SDC2: variants seen among roughly 807,000 people sequenced by gnomAD.
The protein encoded by SDC2 is syndecan 2.
Under a neutral mutation model 22.2 loss-of-function variants are expected in SDC2, and 13 were observed. The ratio of observed to expected loss-of-function variants is 0.59; its 90% CI spans 0.38 to 0.93. The LOEUF (loss-of-function observed/expected upper bound fraction) is 0.93, where lower values mean the gene tolerates loss of function less well. Among genes scored for constraint, SDC2 ranks in the 40% least tolerant of loss-of-function variants. The pLI is 0.00. For missense variants in SDC2, 235 were observed against 246.8 expected, an observed-to-expected ratio of 0.95 and a Z score of 0.32; for synonymous variants, 94 against 92.8, an observed-to-expected ratio of 1.01 and a Z score of -0.07.
chr8:96,602,631 G>T, intron 3 of SDC2, 103 bp downstream of exon 3: 1 of 1,307,860 alleles, frequency 7.6e-7, no homozygotes, highest in Admixed American at 2.1e-5. Context: ...CTTCTTTTTG[G>T]AGCTACCCAT....
chr8:96,526,868 G>A (rs1163465487), intron 1 of SDC2, among the ~76,000 whole-genome samples: 2 of 152,114 alleles, frequency 1.3e-5, no homozygotes, highest in Non-Finnish European at 2.9e-5. Flanking sequence ...GGGGAGGCTC[G>A]GACCTGCAGG....
intron 1 of SDC2, among the ~76,000 whole-genome samples, chr8:96,570,401 A>G (rs1814373678): frequency 6.6e-6 from 1 of 152,216 alleles, no homozygotes; most frequent in African/African-American, 2.4e-5. Context: ...ATTGTATCAC[A>G]CTTAATATGT....
In SDC2 at chr8:96,570,197, C is replaced by A. The variant is rs552281231; in HGVS notation, c.61-23283C>A. 1.1e-4 allele frequency among the ~76,000 whole-genome samples: 16 copies of A among 152,186 alleles called. No individual in the cohort carries two copies. In the South Asian group the frequency reaches 3.1e-3, roughly 30 times the overall value. ...GCAGCTGGTAAGTGGCAGAGCCAGG[C>A]AAGTCTGGTGCCAGGGTTTCAGCGA... is the stretch of plus-strand genomic sequence containing the variant. On this transcript the variant is annotated intron_variant, in intron 1 of 4. Coordinates refer to ENST00000302190, the MANE Select transcript of SDC2 (RefSeq NM_002998.4).
At chr8:96,609,300 T>C in intron 4 of SDC2, 85 bp from the exon 5 acceptor site, 1 of 1,128,370 alleles carries the variant, frequency 8.9e-7, no homozygotes, top group Middle Eastern at 2.2e-4. Context: ...TTTATAAAAG[T>C]GTAAGTAGAT....
At chr8:96,513,218 T>C (rs2130444609) in intron 1 of SDC2, among the ~76,000 whole-genome samples, 1 of 152,356 alleles carries the variant, frequency 6.6e-6, no homozygotes, top group South Asian at 2.1e-4. Flanking sequence ...TATTGTCCTT[T>C]TAATGAAAAT....
At chr8:96,527,360 T>C (rs764052104) in intron 1 of SDC2, among the ~76,000 whole-genome samples, 4 of 152,194 alleles carry the variant, frequency 2.6e-5, no homozygotes, top group Non-Finnish European at 5.9e-5. Context: ...ACAGACATCA[T>C]AGGAGACTCC....
rs1488475445 is a variant in SDC2 at position 96,602,445 on chromosome 8, C to A, written c.223C>A (p.Pro75Thr). 8 of 1,614,136 alleles carry A rather than the reference C, an allele frequency of 5.0e-6. No homozygotes were observed. Residue 75 changes from proline to threonine, a missense_variant, in exon 3 of 5, where the codon CCA becomes ACA. By Grantham distance (38) the Pro-to-Thr change is conservative. Coordinates refer to ENST00000302190, the MANE Select transcript of SDC2 (RefSeq NM_002998.4). Reference sequence around the variant, plus strand: ...AGAGCTGACAACATCTCGACCACTTCCAAAGATACTGTTGACTAGTGCTGC... The same window carrying A: ...AGAGCTGACAACATCTCGACCACTTACAAAGATACTGTTGACTAGTGCTGC... ...SPELTTSRPL[P>T]KILLTSAAPK...
In SDC2 at chr8:96,505,644, G is replaced by T. The variant is rs542539318; in HGVS notation, c.60+11313G>T. 2.0e-5 allele frequency among the ~76,000 whole-genome samples: 3 copies of T among 152,276 alleles called. No homozygotes were observed. The East Asian group carries it at 5.8e-4, about 29-fold the overall frequency. ...CACTGTTTTATATAAATTTACTAAT[G>T]AATTAAAATCTTAACTTTATTTATG... On this transcript the variant is annotated intron_variant, in intron 1 of 4. Coordinates refer to ENST00000302190, the MANE Select transcript of SDC2 (RefSeq NM_002998.4).
rs117644181 is a variant in SDC2 at position 96,560,831 on chromosome 8, C to T, written c.61-32649C>T. On this transcript the variant is annotated intron_variant, in intron 1 of 4. Transcript: ENST00000302190. Reference sequence around the variant, plus strand: ...TATCTAAAAAGAGAGATATGCCGGGCGTGATGGCTCACGCTTGTAATCCCA... The same window carrying T: ...TATCTAAAAAGAGAGATATGCCGGGTGTGATGGCTCACGCTTGTAATCCCA... 3.1e-3 allele frequency among the ~76,000 whole-genome samples: 474 copies of T among 152,192 alleles called. 15 individuals carry two copies. In the East Asian group the frequency reaches 0.061, roughly 20 times the overall value.
At chr8:96,585,071 C>T (rs1814659075) in intron 1 of SDC2, 1 of 152,116 alleles carries the variant, frequency 6.6e-6, no homozygotes, top group Non-Finnish European at 1.5e-5. Flanking sequence ...CCCCAGTTGC[C>T]TTTTATCCTT....
rs539174873 is a variant in SDC2 at position 96,494,287 on chromosome 8, A to G, written c.16A>G (p.Ile6Val). The G allele has an allele frequency of 1.9e-6, 3 of 1,547,166 alleles. No homozygotes were observed. The highest frequency in any genetic ancestry group is 3.9e-5 in the Admixed American group (2 of 51,820). Residue 6 changes from isoleucine (I) to valine (V), a missense_variant, in exon 1 of 5, where the codon ATC (isoleucine) becomes GTC (valine). Physicochemically the swap from Ile to Val is conservative, Grantham distance 29 (BLOSUM62 3). Coordinates refer to ENST00000302190, the MANE Select transcript of SDC2 (RefSeq NM_002998.4). Reference sequence around the variant, plus strand: ...CCTGGGGAATATGCGGCGCGCGTGGATCCTGCTCACCTTGGGCTTGGTGGC... The same window carrying G: ...CCTGGGGAATATGCGGCGCGCGTGGGTCCTGCTCACCTTGGGCTTGGTGGC... MRRAW[I>V]LLTLGLVACV...
intron 1 of SDC2, among the ~76,000 whole-genome samples, chr8:96,593,013 G>A (rs1227060486): frequency 1.3e-5 from 2 of 152,198 alleles, no homozygotes; most frequent in African/African-American, 4.8e-5. Flanking sequence ...TGCAAGCACT[G>A]GTAGGATTTG....
intron 1 of SDC2, among the ~76,000 whole-genome samples, chr8:96,497,116 T>G (rs1813088932): frequency 6.6e-6 from 1 of 152,100 alleles, no homozygotes; most frequent in Non-Finnish European, 1.5e-5. Flanking sequence ...ATAAACATTC[T>G]TAGATGTCTG....
intron 1 of SDC2, among the ~76,000 whole-genome samples, chr8:96,575,447 C>G (rs1043202750): frequency 6.6e-6 from 1 of 152,084 alleles, no homozygotes; most frequent in Non-Finnish European, 1.5e-5. Flanking sequence ...TTGTTTTAGT[C>G]AACTTTTCAC....
At chr8:96,498,172 G>A (rs1292872257) in intron 1 of SDC2, among the ~76,000 whole-genome samples, 2 of 152,182 alleles carry the variant, frequency 1.3e-5, no homozygotes, top group Non-Finnish European at 2.9e-5. Flanking sequence ...CATTCATTCT[G>A]CAGATATTTA....
intron 1 of SDC2, among the ~76,000 whole-genome samples, chr8:96,565,363 G>A (rs538250197): frequency 1.3e-5 from 2 of 151,992 alleles, no homozygotes; most frequent in Admixed American, 1.3e-4. Context: ...GAGATTACAG[G>A]CGTGAGCCAC....
chr8:96,542,846 A>G (rs952611952), intron 1 of SDC2, among the ~76,000 whole-genome samples: 7 of 152,122 alleles, frequency 4.6e-5, no homozygotes, highest in African/African-American at 1.7e-4. Flanking sequence ...CAGTTTTAAT[A>G]CCTATTTGCC....
intron 1 of SDC2, among the ~76,000 whole-genome samples, chr8:96,575,661 G>A (rs1393367208): frequency 1.3e-5 from 2 of 152,142 alleles, no homozygotes; most frequent in Non-Finnish European, 2.9e-5. Context: ...TGACATAACT[G>A]TTGAATCACT....
chr8:96,516,269 A>G (rs1456139472), intron 1 of SDC2, among the ~76,000 whole-genome samples: 10 of 152,182 alleles, frequency 6.6e-5, no homozygotes, highest in Admixed American at 6.5e-4. Flanking sequence ...AAAATGCAAA[A>G]TGTGACACTG....
Sources: gnomAD v4.1 joint callset for allele counts (sites outside exome capture counted in the v4.1 genomes callset) on GRCh38, gnomAD v4.1.1 for gene constraint, MANE v1.5 for transcripts, NCBI Gene and HGNC (gene_info 2026-07-23, HGNC 2026-07-21) for gene names.